ADGRL2: variants seen among roughly 807,000 people sequenced by gnomAD.
The protein encoded by ADGRL2 is calcium-independent alpha-latrotoxin receptor 2.
Under a neutral mutation model 157.4 loss-of-function variants are expected in ADGRL2, and 44 were observed. That is an observed-to-expected ratio of 0.28 (90% CI 0.22 to 0.36). The LOEUF is 0.36. Ranked by LOEUF, ADGRL2 falls within the 10% of genes least tolerant of loss-of-function variation. The pLI is 1.00. For synonymous variants in ADGRL2, 585 were observed against 624.7 expected (o/e 0.94, Z 0.95); for missense variants, 1,510 against 1,768.9 (o/e 0.85, Z 2.63).
intron 1 of ADGRL2, among the ~76,000 whole-genome samples, chr1:81,430,485 G>A (rs1298375631): frequency 6.6e-6 from 1 of 152,110 alleles, no homozygotes; most frequent in African/African-American, 2.4e-5. Flanking sequence ...AAGGTGAAAA[G>A]GGGCTTGGTG....
Position 81,486,756 on chromosome 1 carries a change from G to A in ADGRL2, c.-248+41667G>A, listed in dbSNP as rs569001870. Among the ~76,000 whole-genome samples the A allele has an allele frequency of 2.5e-4, 38 of 152,154 alleles. 1 individual carries two copies. The South Asian group carries it at 6.8e-3, about 27-fold the overall frequency. On this transcript the variant is annotated intron_variant, in intron 2 of 24. Coordinates refer to the ADGRL2 transcript ENST00000370721. ...TATTTCTCATGCTTTGGACATATAA[G>A]TTAGAAAACCTACCTCAAGTTTGAC... is the stretch of plus-strand genomic sequence containing the variant.
At chr1:81,691,499 T>A (rs575109745) in intron 3 of ADGRL2, among the ~76,000 whole-genome samples, 2 of 152,104 alleles carry the variant, frequency 1.3e-5, no homozygotes, top group East Asian at 3.9e-4. Flanking sequence ...AGTTTTCTTT[T>A]TAGGACTTTT....
intron 2 of ADGRL2, among the ~76,000 whole-genome samples, chr1:81,554,396 A>G (rs1557454895): frequency 6.6e-6 from 1 of 152,004 alleles, no homozygotes; most frequent in African/African-American, 2.4e-5. Context: ...GAACTGACTG[A>G]GCTCTTGCTG....
intron 2 of ADGRL2, among the ~76,000 whole-genome samples, chr1:81,839,759 T>G (rs2092460869): frequency 6.7e-6 from 1 of 148,270 alleles, no homozygotes; most frequent in African/African-American, 2.5e-5. Flanking sequence ...ATATATGTAT[T>G]TTTTTCATCA....
At chr1:81,401,019 T>A (rs1337338089) in intron 1 of ADGRL2, among the ~76,000 whole-genome samples, 1 of 152,172 alleles carries the variant, frequency 6.6e-6, no homozygotes, top group Non-Finnish European at 1.5e-5. Context: ...GGAGCGTCGC[T>A]GTTCTGAACA....
intron 1 of ADGRL2, among the ~76,000 whole-genome samples, chr1:81,832,571 C>T (rs182196952): frequency 6.6e-6 from 1 of 152,232 alleles, no homozygotes; most frequent in East Asian, 1.9e-4. Context: ...AGGGTAAGAC[C>T]AGTGATGAAT....
At chr1:81,691,026 C>G (rs895209957) in intron 3 of ADGRL2, among the ~76,000 whole-genome samples, 1 of 152,152 alleles carries the variant, frequency 6.6e-6, no homozygotes, top group Non-Finnish European at 1.5e-5. Context: ...TTATGAGATT[C>G]GTATGAGATT....
At position 81,864,983 on chromosome 1, in the gene ADGRL2, C is replaced by A. The variant is rs562954116; in HGVS notation, c.73+27926C>A. Among the ~76,000 whole-genome samples the A allele has an allele frequency of 1.6e-3, 243 of 152,160 alleles. 1 individual carries two copies. The South Asian group carries it at 0.025, about 15-fold the overall frequency. ...CTTGGGCAATAGAACAAGGCTGTAT[C>A]TCAAAAGAAAAACCACCCCCAAAAA... On this transcript the variant is annotated intron_variant, in intron 2 of 23. Transcript: ENST00000686636.
chr1:81,930,914 C>T (rs1334241404), intron 3 of ADGRL2, among the ~76,000 whole-genome samples: 1 of 152,028 alleles, frequency 6.6e-6, no homozygotes, highest in Non-Finnish European at 1.5e-5. Flanking sequence ...GGTGGATCAC[C>T]TGAGGTCAGG....
chr1:81,347,904 A>G (rs1268738439), intron 1 of ADGRL2, among the ~76,000 whole-genome samples: 1 of 152,184 alleles, frequency 6.6e-6, no homozygotes, highest in African/African-American at 2.4e-5. Flanking sequence ...CTTGGATTCT[A>G]CAGGCCTTAG....
chr1:81,937,573 G>T (rs1452710209), intron 4 of ADGRL2, among the ~76,000 whole-genome samples: 2 of 151,712 alleles, frequency 1.3e-5, no homozygotes, highest in African/African-American at 4.8e-5. Flanking sequence ...TAGCATTTTA[G>T]ACAACTTAAA....
intron 2 of ADGRL2, among the ~76,000 whole-genome samples, chr1:81,549,953 A>G (rs1557450772): frequency 6.6e-6 from 1 of 152,180 alleles, no homozygotes; most frequent in Non-Finnish European, 1.5e-5. Flanking sequence ...AAGGGAAAAA[A>G]TTACAAAAAG....
At chr1:81,751,954 GGTTA>G (rs952778660) in intron 1 of ADGRL2, among the ~76,000 whole-genome samples, 1 of 152,100 alleles carries the variant, frequency 6.6e-6, no homozygotes, top group Non-Finnish European at 1.5e-5. Context: ...ATAGGTTTCA[GGTTA>G]GTTTAGAGAA....
intron 1 of ADGRL2, among the ~76,000 whole-genome samples, chr1:81,425,791 A>G (rs547556150): frequency 1.3e-5 from 2 of 152,340 alleles, no homozygotes; most frequent in East Asian, 1.9e-4. Context: ...ACCAGAAACT[A>G]TAGGGGAGAA....
chr1:81,819,159 T>C (rs1307832979), intron 1 of ADGRL2, among the ~76,000 whole-genome samples: 2 of 152,038 alleles, frequency 1.3e-5, no homozygotes, highest in Non-Finnish European at 2.9e-5. Flanking sequence ...ATGAAAGAAA[T>C]AGGAACCTAA....
chr1:81,841,150 T>G (rs1158346928), intron 2 of ADGRL2, among the ~76,000 whole-genome samples: 1 of 152,182 alleles, frequency 6.6e-6, no homozygotes, highest in African/African-American at 2.4e-5. Context: ...TTAGATTTTA[T>G]TAGTCAAAAT....
intron 3 of ADGRL2, among the ~76,000 whole-genome samples, chr1:81,909,652 A>G (rs941653373): frequency 2.6e-5 from 4 of 152,136 alleles, no homozygotes; most frequent in Non-Finnish European, 5.9e-5. Context: ...CCATCTTCAA[A>G]TAGTATACAG....
chr1:81,413,473 G>GT (rs1310281526), intron 1 of ADGRL2, among the ~76,000 whole-genome samples: 1 of 152,010 alleles, frequency 6.6e-6, no homozygotes, highest in Admixed American at 6.6e-5. Flanking sequence ...CATGGAAACT[G>GT]TAGGCTACCA....
intron 2 of ADGRL2, among the ~76,000 whole-genome samples, chr1:81,838,228 T>C (rs1284658633): frequency 6.6e-6 from 1 of 152,028 alleles, no homozygotes; most frequent in African/African-American, 2.4e-5. Context: ...TATCATGTTC[T>C]CCTTGTCCCT....
Sources: allele counts gnomAD v4.1 joint callset (sites outside exome capture counted in the v4.1 genomes callset), GRCh38; gene constraint gnomAD v4.1.1; transcripts MANE v1.5; gene names NCBI Gene and HGNC (gene_info 2026-07-23, HGNC 2026-07-21).